The following KLHL29 variants were observed in gnomAD, a reference collection of about 807,000 sequenced individuals.
KLHL29 encodes kelch-like protein 29.
KLHL29 carries 21 observed loss-of-function variants against 80.4 expected under a neutral mutation model. That is an observed-to-expected ratio of 0.26 (90% confidence interval 0.19 to 0.38). The LOEUF is 0.38. Among genes scored for constraint, KLHL29 ranks in the 10% least tolerant of loss-of-function variants. KLHL29 has a pLI of 1.00. For synonymous variants in KLHL29, 511 were observed against 526.8 expected (o/e 0.97, Z 0.41); for missense variants, 867 against 1,223.9 (o/e 0.71, Z 4.35).
At chr2:23,688,152 G>A (rs1208065272) in intron 6 of KLHL29, among the ~76,000 whole-genome samples, 1 of 152,174 alleles carries the variant, frequency 6.6e-6, no homozygotes, top group Non-Finnish European at 1.5e-5. Flanking sequence ...TGGCACAATG[G>A]CGTCACCCAC....
chr2:23,535,065 TTGGACAGTTACTTTA>T (rs1194212096), intron 2 of KLHL29, among the ~76,000 whole-genome samples: 1 of 152,176 alleles, frequency 6.6e-6, no homozygotes, highest in African/African-American at 2.4e-5. Flanking sequence ...CACTTAAGAT[TTGGACAGTTACTTTA>T]TGGACATTAT....
At chr2:23,410,518 G>T (rs908204947) in intron 1 of KLHL29, among the ~76,000 whole-genome samples, 2 of 152,160 alleles carry the variant, frequency 1.3e-5, no homozygotes, top group South Asian at 2.1e-4. Context: ...GTGGCAGATA[G>T]GCAGTTATGT....
chr2:23,686,839 G>T (rs1671282846), intron 6 of KLHL29, among the ~76,000 whole-genome samples: 1 of 152,152 alleles, frequency 6.6e-6, no homozygotes, highest in African/African-American at 2.4e-5. Flanking sequence ...GAAAAAGGAG[G>T]GGAAGCCAAA....
intron 3 of KLHL29, among the ~76,000 whole-genome samples, chr2:23,634,639 A>C (rs537860888): frequency 4.6e-5 from 7 of 152,206 alleles, no homozygotes; most frequent in Admixed American, 1.3e-4. Context: ...ATCACACCCA[A>C]GCATCCGGAG....
At chr2:23,703,139 G>T in intron 11 of KLHL29, 47 bp from the exon 12 acceptor site, 2 of 1,345,666 alleles carry the variant, frequency 1.5e-6, no homozygotes, top group Non-Finnish European at 1.9e-6. Flanking sequence ...CCTCTGCCCC[G>T]CACAAGGTCC....
At chr2:23,390,978 CATT>C (rs1166237816) in intron 1 of KLHL29, among the ~76,000 whole-genome samples, 1 of 152,212 alleles carries the variant, frequency 6.6e-6, no homozygotes, top group Non-Finnish European at 1.5e-5. Flanking sequence ...GTAGCATTCA[CATT>C]GTTGTGCAAG....
At chr2:23,439,193 TTC>T (rs1392258096) in intron 1 of KLHL29, among the ~76,000 whole-genome samples, 4 of 151,706 alleles carry the variant, frequency 2.6e-5, no homozygotes, top group Non-Finnish European at 5.9e-5. Flanking sequence ...TATTTGATTC[TTC>T]TCTCTTTTTT....
chr2:23,612,987 CAAATG>C (rs80100407), intron 3 of KLHL29, among the ~76,000 whole-genome samples: 11,650 of 151,912 alleles, frequency 0.077, 618 homozygotes, highest in Non-Finnish European at 0.11. Context: ...GGGTGGAGAA[CAAATG>C]AAATGAAATT....
chr2:23,507,827 G>T (rs1384894642), intron 2 of KLHL29, among the ~76,000 whole-genome samples: 2 of 152,174 alleles, frequency 1.3e-5, no homozygotes, highest in African/African-American at 4.8e-5. Context: ...TGAGTGAGAG[G>T]TTGGGCTAAA....
intron 1 of KLHL29, among the ~76,000 whole-genome samples, chr2:23,449,346 T>G (rs770744733): frequency 6.6e-5 from 10 of 152,196 alleles, no homozygotes. Context: ...CTAACAATGC[T>G]GCCTAACAAG....
At chr2:23,565,550 G>A (rs577322460) in intron 3 of KLHL29, among the ~76,000 whole-genome samples, 10 of 152,316 alleles carry the variant, frequency 6.6e-5, no homozygotes, top group South Asian at 2.1e-4. Flanking sequence ...GCTCCAGACC[G>A]AGACTGGTAA....
At chr2:23,390,564 A>C (rs901252751) in intron 1 of KLHL29, among the ~76,000 whole-genome samples, 1 of 152,068 alleles carries the variant, frequency 6.6e-6, no homozygotes, top group African/African-American at 2.4e-5. Context: ...ATACACATAC[A>C]TATATATAGT....
intron 3 of KLHL29, among the ~76,000 whole-genome samples, chr2:23,609,425 A>G (rs544537223): frequency 1.5e-3 from 230 of 152,222 alleles, no homozygotes; most frequent in African/African-American, 5.5e-3. Context: ...GCAATCAGAG[A>G]TGAGCTGGAG....
At chr2:23,507,029 C>CTG (rs1430117228) in intron 2 of KLHL29, 1 of 375,748 alleles carries the variant, frequency 2.7e-6, no homozygotes, top group Non-Finnish European at 5.9e-6. Context: ...TGCAGAAAAG[C>CTG]TGTGACCAAA....
intron 1 of KLHL29, among the ~76,000 whole-genome samples, chr2:23,423,336 C>G (rs775120504): frequency 6.6e-6 from 1 of 152,244 alleles, no homozygotes; most frequent in Non-Finnish European, 1.5e-5. Flanking sequence ...CCTCCCCAGG[C>G]CGTGCCTCCC....
chr2:23,701,793 CTTTTTTTTTTTT>C (rs70941586), intron 11 of KLHL29, among the ~76,000 whole-genome samples: 1 of 22,544 alleles, frequency 4.4e-5, no homozygotes, highest in East Asian at 4.9e-3. Context: ...CTTTTTTTTG[CTTTTTTTTTTTT>C]TTTTTTTTTT....
chr2:23,451,012 A>T, intron 1 of KLHL29, among the ~76,000 whole-genome samples: 1 of 152,168 alleles, frequency 6.6e-6, no homozygotes, highest in Non-Finnish European at 1.5e-5. Context: ...CCTGTTCTGG[A>T]CAGTGGATAT....
intron 2 of KLHL29, among the ~76,000 whole-genome samples, chr2:23,560,638 G>A (rs1657754727): frequency 6.6e-6 from 1 of 152,256 alleles, no homozygotes; most frequent in Non-Finnish European, 1.5e-5. Flanking sequence ...GAAATAAACA[G>A]TGACACCACA....
intron 2 of KLHL29, among the ~76,000 whole-genome samples, chr2:23,538,039 C>T (rs1350578568): frequency 6.6e-6 from 1 of 152,146 alleles, no homozygotes; most frequent in Non-Finnish European, 1.5e-5. Context: ...AGAATTAGAA[C>T]GAGGGTGGAT....
Sources: gnomAD v4.1 joint callset for allele counts (sites outside exome capture counted in the v4.1 genomes callset) on GRCh38, gnomAD v4.1.1 for gene constraint, MANE v1.5 for transcripts, NCBI Gene and HGNC (gene_info 2026-07-23, HGNC 2026-07-21) for gene names.